Variants in TRIP12 observed in about 807,000 individuals in gnomAD.
TRIP12 encodes the protein thyroid hormone receptor interactor 12.
TRIP12 carries 25 observed loss-of-function variants against 244.2 expected under a neutral mutation model. That is an observed-to-expected ratio of 0.10 (90% CI 0.07 to 0.14). The LOEUF is 0.14. TRIP12 is among the 10% of genes least tolerant of loss of function. The probability of loss-of-function intolerance (pLI) is 1.00; values close to 1 mark genes in which losing one functional copy is unlikely to be tolerated. For synonymous variants in TRIP12, 905 were observed against 873.1 expected (o/e 1.04, Z -0.64); for missense variants, 1,677 against 2,486.4 (o/e 0.67, Z 6.92).
rs748001184 is a variant in TRIP12 at position 229,796,649 on chromosome 2, T to C, written c.3758A>G (p.Asp1253Gly). Residue 1253 changes from aspartate to glycine, a missense_variant, in exon 25 of 42, where the codon GAT becomes GGT. Coordinates refer to ENST00000675903, the MANE Select transcript of TRIP12 (RefSeq NM_001348323.3). ...LLYLTSKSEK[D>G]AVSREIRLKR... ...TAATCTGATCTCTCTGCTCACAGCA[T>C]CCTTTTCACTTTTAGATGTCAAATA... The C allele has an allele frequency of 2.5e-6, 4 of 1,612,398 alleles. No individual in the cohort carries two copies. The highest frequency in any genetic ancestry group is 3.4e-6 in the Non-Finnish European group (4 of 1,179,652).
chr2:229,858,457 A>T (rs946004244), intron 4 of TRIP12, among the ~76,000 whole-genome samples: 2 of 152,206 alleles, frequency 1.3e-5, no homozygotes, highest in African/African-American at 2.4e-5. Flanking sequence ...TATAGAAGAA[A>T]ATCCAACTTT....
At chr2:229,810,026 T>TA (rs1163718761) in intron 15 of TRIP12, among the ~76,000 whole-genome samples, 1 of 152,116 alleles carries the variant, frequency 6.6e-6, no homozygotes, top group African/African-American at 2.4e-5. Context: ...TACAAACAAT[T>TA]AAAGGTATTC....
chr2:229,896,950 C>G (rs1168781226), intron 1 of TRIP12, among the ~76,000 whole-genome samples: 2 of 152,102 alleles, frequency 1.3e-5, no homozygotes, highest in Non-Finnish European at 2.9e-5. Flanking sequence ...AAGAATAAAT[C>G]CTAATGTAAA....
intron 15 of TRIP12, 55 bp downstream of exon 15, chr2:229,810,825 A>AT (rs1377093092): frequency 5.7e-6 from 9 of 1,569,720 alleles, no homozygotes; most frequent in African/African-American, 1.4e-5. Context: ...GACTTTACAT[A>AT]TTAATGAAGA....
rs113450399 is a variant in TRIP12 at position 229,787,830 on chromosome 2, C to A, written c.4839-169G>T. On this transcript the variant is annotated intron_variant, in intron 32 of 41. Transcript: ENST00000675903. ...TATTTATTTATTTTGAGATGGAGTC[C>A]TTGCTCCTGTCGCCCAGGCTGGAGT... 6.4e-3 allele frequency among the ~76,000 whole-genome samples: 5 copies of A among 776 alleles called. No individual in the cohort carries two copies. The African/African-American group carries it at 0.074, about 11-fold the overall frequency. The allele number at this position is 776 out of a possible 152,430, so 0.5% of individuals were successfully genotyped here.
chr2:229,819,095 C>T (rs1280752291), intron 8 of TRIP12, among the ~76,000 whole-genome samples: 4 of 145,876 alleles, frequency 2.7e-5, no homozygotes, highest in Admixed American at 1.4e-4. Flanking sequence ...CAATTATAAA[C>T]CCTTGCATCC....
At chr2:229,898,492 G>C (rs575155918) in intron 1 of TRIP12, among the ~76,000 whole-genome samples, 1 of 152,144 alleles carries the variant, frequency 6.6e-6, no homozygotes, top group Admixed American at 6.6e-5. Context: ...ATGCTCAAGC[G>C]TCTAAGGATT....
chr2:229,820,750 G>A (rs1196725071), intron 8 of TRIP12, among the ~76,000 whole-genome samples: 1 of 152,114 alleles, frequency 6.6e-6, no homozygotes, highest in Non-Finnish European at 1.5e-5. Flanking sequence ...CAACACACGT[G>A]GCTAATTTTT....
intron 1 of TRIP12, 36 bp from the exon 2 acceptor site, chr2:229,880,164 G>T: frequency 7.9e-7 from 1 of 1,269,158 alleles, no homozygotes; most frequent in South Asian, 1.3e-5. Flanking sequence ...TTTATCAGAT[G>T]TACAAAATAC....
chr2:229,893,430 T>C (rs914547183), intron 1 of TRIP12, among the ~76,000 whole-genome samples: 1 of 151,908 alleles, frequency 6.6e-6, no homozygotes, highest in East Asian at 1.9e-4. Context: ...CAAGAAACTT[T>C]CCTCACGCTC....
At chr2:229,794,457 C>T (rs559009484) in intron 26 of TRIP12, among the ~76,000 whole-genome samples, 2 of 152,162 alleles carry the variant, frequency 1.3e-5, no homozygotes, top group Admixed American at 6.5e-5. Context: ...GCCCCAGCTA[C>T]GTGGCAGGCT....
Position 229,796,776 on chromosome 2 carries a change from C to T in TRIP12, c.3631G>A (p.Gly1211Ser). Residue 1211 changes from glycine to serine, a missense_variant, in exon 25 of 42, where the codon GGT becomes AGT. By Grantham distance (56) the Gly-to-Ser change is moderately conservative. Coordinates refer to ENST00000675903, the MANE Select transcript of TRIP12 (RefSeq NM_001348323.3). ...ATTTCTACAAGGCACTCAGCTCCAC[C>T]ATCCACCTGAAAGAGTTAGGAAAAG... ...ATEQLNLQVDGGAECLVEIRS... is the reference protein window; with the variant it reads ...ATEQLNLQVDSGAECLVEIRS... 1 of 1,574,668 alleles carries T rather than the reference C, an allele frequency of 6.4e-7. No individual in the cohort carries two copies. Among genetic ancestry groups the T allele is most frequent in the Non-Finnish European group, 8.6e-7 (1 of 1,165,600 alleles).
chr2:229,843,914 G>A (rs1489719393), intron 4 of TRIP12, among the ~76,000 whole-genome samples: 1 of 150,054 alleles, frequency 6.7e-6, no homozygotes, highest in Non-Finnish European at 1.5e-5. Flanking sequence ...GAGGGGAGAA[G>A]AAAGGGAGGA....
intron 2 of TRIP12, among the ~76,000 whole-genome samples, chr2:229,868,825 T>C (rs1433997768): frequency 1.3e-5 from 2 of 152,206 alleles, no homozygotes; most frequent in Non-Finnish European, 2.9e-5. Flanking sequence ...CAAAATAACG[T>C]ATAAACATCC....
Position 229,803,623 on chromosome 2 carries a change from T to G in TRIP12, c.2946A>C (p.Glu982Asp). The G allele has an allele frequency of 6.2e-7, 1 of 1,613,756 alleles. No homozygotes were observed. Among genetic ancestry groups the G allele is most frequent in the Non-Finnish European group, 8.5e-7 (1 of 1,179,878 alleles). The change falls in exon 20 of 42, where the codon GAA (glutamate) becomes GAC (aspartate). Residue 982 changes from glutamate (E) to aspartate (D), a missense_variant. By Grantham distance (45) the Glu-to-Asp change is conservative. This residue lies in a region of TRIP12 where 572 missense variants were observed against 867.8 expected (regional missense o/e 0.66). Transcript: ENST00000675903. ...KIVVGALQMA[E>D]ILMQKLPDIF... ...TATCAGGTAACTTCTGCATTAAAATTTCTGCCATCTGAAGTGCTCCCACTA... is the reference window on the plus strand; with the variant it reads ...TATCAGGTAACTTCTGCATTAAAATGTCTGCCATCTGAAGTGCTCCCACTA...
intron 1 of TRIP12, among the ~76,000 whole-genome samples, chr2:229,895,916 T>C (rs2068688025): frequency 6.6e-6 from 1 of 152,000 alleles, no homozygotes; most frequent in Non-Finnish European, 1.5e-5. Flanking sequence ...GAGCCCAGAA[T>C]TTTGAGACTA....
intron 1 of TRIP12, among the ~76,000 whole-genome samples, chr2:229,899,538 G>T (rs1224378899): frequency 6.6e-6 from 1 of 152,138 alleles, no homozygotes; most frequent in Non-Finnish European, 1.5e-5. Context: ...TTGGTAGGAT[G>T]CATGCAAGGT....
intron 2 of TRIP12, among the ~76,000 whole-genome samples, chr2:229,875,621 C>T (rs1382163670): frequency 6.6e-6 from 1 of 152,178 alleles, no homozygotes; most frequent in African/African-American, 2.4e-5. Context: ...AGCAAGCTTC[C>T]ACATTTGTAA....
chr2:229,881,242 T>C (rs2064814037), intron 1 of TRIP12, among the ~76,000 whole-genome samples: 1 of 152,232 alleles, frequency 6.6e-6, no homozygotes, highest in African/African-American at 2.4e-5. Flanking sequence ...TAAGAAATGA[T>C]TGTGCAGATA....
Sources: gnomAD v4.1 joint callset for allele counts (sites outside exome capture counted in the v4.1 genomes callset) on GRCh38, gnomAD v4.1.1 for gene constraint, gnomAD v4.1.1 regional missense constraint, MANE v1.5 for transcripts, NCBI Gene and HGNC (gene_info 2026-07-23, HGNC 2026-07-21) for gene names.